The following FANCC variants were observed in gnomAD, a reference collection of about 807,000 sequenced individuals.
The protein encoded by FANCC is FA complementation group C.
FANCC carries 55 observed loss-of-function variants against 71.3 expected under a neutral mutation model. That is an observed-to-expected ratio of 0.77 (90% CI 0.62 to 0.97). The LOEUF (loss-of-function observed/expected upper bound fraction) is 0.97. FANCC is among the 50% of genes least tolerant of loss of function. The probability of loss-of-function intolerance (pLI) is 0.00; values close to 1 mark genes in which losing one functional copy is unlikely to be tolerated. For missense variants in FANCC, 678 were observed against 670.9 expected, an observed-to-expected ratio of 1.01 and a Z score of -0.12; for synonymous variants, 275 against 244.9, an observed-to-expected ratio of 1.12 and a Z score of -1.15.
rs572980613 is a variant in FANCC at position 95,145,972 on chromosome 9, T to C, written c.686+3951A>G. Among the ~76,000 whole-genome samples the C allele has an allele frequency of 9.0e-4, 70 of 77,394 alleles. No individual in the cohort carries two copies. The East Asian group carries it at 0.019, about 21-fold the overall frequency. The allele number at this position is 77,394 out of a possible 152,430, so 50.8% of individuals were successfully genotyped here. ...AGATCTGAACTCTGATTCTTTATTT[T>C]TTTTTATTTGAACTCTGATTCTAAC... On this transcript the variant is annotated intron_variant, in intron 7 of 14. Transcript: ENST00000289081.
chr9:95,299,165 G>T (rs1048444650), intron 1 of FANCC, among the ~76,000 whole-genome samples: 1 of 152,170 alleles, frequency 6.6e-6, no homozygotes, highest in Non-Finnish European at 1.5e-5. Context: ...AAAATGTGCA[G>T]AACCGAGGTC....
chr9:95,268,984 AT>A (rs757232169), intron 1 of FANCC, among the ~76,000 whole-genome samples: 1 of 152,202 alleles, frequency 6.6e-6, no homozygotes, highest in Non-Finnish European at 1.5e-5. Flanking sequence ...AATTTAGTCC[AT>A]TTATTGAAAA....
intron 8 of FANCC, among the ~76,000 whole-genome samples, chr9:95,132,231 G>A (rs1289195980): frequency 2.0e-5 from 3 of 152,220 alleles, no homozygotes; most frequent in African/African-American, 7.2e-5. Context: ...TGCCAGCCAA[G>A]CACAGTGCCA....
chr9:95,214,091 A>G (rs575114400), intron 4 of FANCC, among the ~76,000 whole-genome samples: 373 of 152,290 alleles, frequency 2.4e-3, no homozygotes, highest in African/African-American at 8.6e-3. Context: ...AACTATTACA[A>G]TGTGATACTA....
At chr9:95,156,549 T>C (rs754782957) in intron 6 of FANCC, among the ~76,000 whole-genome samples, 1 of 152,196 alleles carries the variant, frequency 6.6e-6, no homozygotes, top group African/African-American at 2.4e-5. Flanking sequence ...CATTTATACC[T>C]ATCAGAAGAT....
intron 13 of FANCC, chr9:95,110,959 T>A: frequency 7.2e-7 from 1 of 1,395,476 alleles, no homozygotes; most frequent in Non-Finnish European, 9.3e-7. Context: ...TAATATCATC[T>A]GATTACTTTA....
chr9:95,287,650 G>T (rs193215561), intron 1 of FANCC, among the ~76,000 whole-genome samples: 1 of 152,310 alleles, frequency 6.6e-6, no homozygotes, highest in Non-Finnish European at 1.5e-5. Flanking sequence ...TCAATCTGAT[G>T]ATGCTGGATG....
intron 1 of FANCC, among the ~76,000 whole-genome samples, chr9:95,287,425 A>G (rs1485145570): frequency 1.3e-5 from 2 of 152,114 alleles, no homozygotes; most frequent in Non-Finnish European, 2.9e-5. Context: ...AAGTCTCTCT[A>G]TCCAACATCA....
intron 1 of FANCC, chr9:95,292,521 G>T (rs1434284744): frequency 6.0e-6 from 9 of 1,493,566 alleles, no homozygotes; most frequent in African/African-American, 1.4e-5. Flanking sequence ...CGCGGCCTCC[G>T]TGCTGGCGGG....
chr9:95,238,152 C>A (rs1830427619), intron 4 of FANCC, among the ~76,000 whole-genome samples: 1 of 152,108 alleles, frequency 6.6e-6, no homozygotes, highest in Admixed American at 6.5e-5. Context: ...GTCAGTGTCT[C>A]CCCAAGGCTC....
chr9:95,208,599 C>T (rs560089392), intron 4 of FANCC, among the ~76,000 whole-genome samples: 66 of 152,098 alleles, frequency 4.3e-4, no homozygotes, highest in Non-Finnish European at 8.2e-4. Context: ...ATGGACACCT[C>T]GTCAAAGAAG....
At position 95,286,878 on chromosome 9, in the gene FANCC, T is replaced by C. The variant is rs140282376; in HGVS notation, c.-79+30648A>G. ...AATATGAACATATCTTTATAAATCA[T>C]CTTAAACACTAAATAATTTGCTCCT... On this transcript the variant is annotated intron_variant, in intron 1 of 14. Transcript: ENST00000289081. Among the ~76,000 whole-genome samples, 551 of 152,296 alleles carry C rather than the reference T, an allele frequency of 3.6e-3. 2 individuals are homozygous for C. The highest frequency in any genetic ancestry group is 0.013 in the African/African-American group (529 of 41,560).
chr9:95,119,331 G>A (rs187369618), intron 10 of FANCC, among the ~76,000 whole-genome samples: 314 of 149,582 alleles, frequency 2.1e-3, no homozygotes, highest in Non-Finnish European at 3.6e-3. Context: ...CCTAGCTAAC[G>A]GCTTGCTTTT....
At chr9:95,210,994 C>G (rs886605922) in intron 4 of FANCC, among the ~76,000 whole-genome samples, 40 of 152,204 alleles carry the variant, frequency 2.6e-4, no homozygotes, top group African/African-American at 9.4e-4. Context: ...TTCTTGAAGG[C>G]TTACCAATTT....
rs4647557 is a variant in FANCC at position 95,099,980 on chromosome 9, A to T, written c.*1727T>A. On this transcript the variant is annotated 3_prime_UTR_variant, in exon 15 of 15. Coordinates refer to ENST00000289081, the MANE Select transcript of FANCC (RefSeq NM_000136.3). ...ACTGTCCCAGGAGTCCCTCCACAAC[A>T]GGAGGCCTGGTCCCAGTGGCCCCTC... 7.6e-3 allele frequency: 1,776 copies of T among 232,280 alleles called. 30 individuals carry two copies. Among genetic ancestry groups the T allele is most frequent in the African/African-American group, 0.037 (1,691 of 45,370 alleles). The allele number at this position is 232,280 out of a possible 1,614,324, so 14.4% of individuals were successfully genotyped here.
intron 1 of FANCC, among the ~76,000 whole-genome samples, 165 bp from the exon 2 acceptor site, chr9:95,249,534 C>A (rs1330613207): frequency 6.6e-6 from 1 of 152,172 alleles, no homozygotes; most frequent in Non-Finnish European, 1.5e-5. Context: ...AGCTGGAGCT[C>A]CAATTTTTAC....
At chr9:95,142,176 A>G (rs1157790448) in intron 7 of FANCC, among the ~76,000 whole-genome samples, 2 of 151,910 alleles carry the variant, frequency 1.3e-5, no homozygotes, top group African/African-American at 2.4e-5. Context: ...TATTTTTAGT[A>G]GAGATGGGAT....
At chr9:95,152,277 G>T (rs2135455404) in intron 6 of FANCC, among the ~76,000 whole-genome samples, 1 of 152,316 alleles carries the variant, frequency 6.6e-6, no homozygotes, top group African/African-American at 2.4e-5. Flanking sequence ...GTCTCATCAG[G>T]GAGAGGAACA....
At chr9:95,107,369 T>A in intron 13 of FANCC, 100 bp from the exon 14 acceptor site, 1 of 1,297,784 alleles carries the variant, frequency 7.7e-7, no homozygotes, top group Non-Finnish European at 1.1e-6. Context: ...CAGAAACGGG[T>A]AAGCACTGGC....
Sources: gnomAD v4.1 joint callset for allele counts (sites outside exome capture counted in the v4.1 genomes callset) on GRCh38, gnomAD v4.1.1 for gene constraint, MANE v1.5 for transcripts, NCBI Gene and HGNC (gene_info 2026-07-23, HGNC 2026-07-21) for gene names.